Variants in DCLK2 observed in about 807,000 individuals in gnomAD.
The protein encoded by DCLK2 is serine/threonine-protein kinase DCLK2.
In DCLK2, 31 loss-of-function variants were observed where a neutral mutation model predicts 78.4. The ratio of observed to expected loss-of-function variants is 0.40; its 90% CI spans 0.30 to 0.53. The LOEUF (loss-of-function observed/expected upper bound fraction) is 0.53. Among genes scored for constraint, DCLK2 ranks in the 20% least tolerant of loss-of-function variants. DCLK2 has a pLI of 0.61. For missense variants in DCLK2, 872 were observed against 973.7 expected (o/e 0.90, Z 1.39); for synonymous variants, 407 against 374.9 (o/e 1.09, Z -0.99).
At chr4:150,131,562 T>C (rs12502340) in intron 2 of DCLK2, among the ~76,000 whole-genome samples, 14,464 of 152,134 alleles carry the variant, frequency 0.095, 888 homozygotes, top group Middle Eastern at 0.14. Flanking sequence ...CATGAAAATA[T>C]CTTGTAAGAA....
chr4:150,123,650 C>A lies in DCLK2; in HGVS notation c.756+20838C>A, dbSNP rs528541840. Among the ~76,000 whole-genome samples the A allele has an allele frequency of 3.3e-5, 5 of 152,278 alleles. No homozygotes were observed. In the East Asian group the frequency reaches 9.6e-4, roughly 29 times the overall value. ...ACAGGGTTGCCACGAAACTTCCATT[C>A]GTAAAAAGCTCAGTGTCTGTGAAGT... On this transcript the variant is annotated intron_variant, in intron 2 of 15. Coordinates refer to ENST00000296550, the MANE Select transcript of DCLK2 (RefSeq NM_001040260.4).
intron 2 of DCLK2, among the ~76,000 whole-genome samples, chr4:150,171,816 C>T (rs527377458): frequency 1.3e-5 from 2 of 152,176 alleles, no homozygotes; most frequent in Non-Finnish European, 2.9e-5. Context: ...TTAGTTCTTC[C>T]GTGATTATAC....
At chr4:150,110,763 A>G (rs1731629710) in intron 2 of DCLK2, among the ~76,000 whole-genome samples, 1 of 152,160 alleles carries the variant, frequency 6.6e-6, no homozygotes, top group Admixed American at 6.6e-5. Context: ...GAGTTACTAC[A>G]GGTAGAAGAA....
At chr4:150,225,472 C>G (rs890434646) in intron 8 of DCLK2, among the ~76,000 whole-genome samples, 1 of 152,174 alleles carries the variant, frequency 6.6e-6, no homozygotes, top group African/African-American at 2.4e-5. Context: ...TTTTTAGATT[C>G]CATTGTGGTA....
chr4:150,160,056 C>T (rs1735594179), intron 2 of DCLK2, among the ~76,000 whole-genome samples: 1 of 151,072 alleles, frequency 6.6e-6, no homozygotes, highest in Non-Finnish European at 1.5e-5. Context: ...AGTCTGTCGT[C>T]CAGGGTGGAG....
intron 2 of DCLK2, among the ~76,000 whole-genome samples, chr4:150,157,485 G>GTTTT (rs933996767): frequency 1.9e-4 from 25 of 130,580 alleles, no homozygotes; most frequent in African/African-American, 5.7e-4. Context: ...TGTAGAGATG[G>GTTTT]TTTTTTTGTT....
chr4:150,166,819 A>G (rs993168659), intron 2 of DCLK2, among the ~76,000 whole-genome samples: 2 of 152,060 alleles, frequency 1.3e-5, no homozygotes, highest in Non-Finnish European at 2.9e-5. Context: ...TCCTTTTCTG[A>G]TTAGGAGACA....
intron 12 of DCLK2, among the ~76,000 whole-genome samples, chr4:150,242,472 C>G (rs528098339): frequency 6.6e-5 from 10 of 152,366 alleles, no homozygotes; most frequent in African/African-American, 2.2e-4. Flanking sequence ...GAGTAACACA[C>G]TACCCCTGAA....
chr4:150,176,782 G>C (rs576950533), intron 2 of DCLK2, among the ~76,000 whole-genome samples: 5 of 152,318 alleles, frequency 3.3e-5, no homozygotes, highest in Admixed American at 2.0e-4. Context: ...TCTGACATGA[G>C]TAGCATTCTT....
At chr4:150,175,178 A>G in intron 2 of DCLK2, among the ~76,000 whole-genome samples, 1 of 129,180 alleles carries the variant, frequency 7.7e-6, no homozygotes, top group Admixed American at 8.7e-5. Flanking sequence ...ATATATTTAT[A>G]TATATTTATA....
intron 13 of DCLK2, 148 bp downstream of exon 13, chr4:150,247,847 G>C (rs999405873): frequency 4.6e-6 from 3 of 645,936 alleles, no homozygotes; most frequent in Non-Finnish European, 7.7e-6. Flanking sequence ...CCCATGGTAT[G>C]GTCTCTGAAG....
chr4:150,095,239 C>G (rs1360095814), intron 1 of DCLK2, among the ~76,000 whole-genome samples: 2 of 152,102 alleles, frequency 1.3e-5, no homozygotes, highest in African/African-American at 2.4e-5. Context: ...TCCCTGTGTC[C>G]CTTCCCATTT....
chr4:150,095,458 T>G (rs1190277607), intron 1 of DCLK2, among the ~76,000 whole-genome samples: 2 of 152,236 alleles, frequency 1.3e-5, no homozygotes, highest in Non-Finnish European at 2.9e-5. Context: ...TAGCTCTCAT[T>G]TGTTCATTTT....
At chr4:150,253,124 A>C (rs570289510) in intron 15 of DCLK2, 1 of 453,754 alleles carries the variant, frequency 2.2e-6, no homozygotes, top group African/African-American at 2.1e-5. Context: ...CATCCTCCTC[A>C]TCCTCCTCAC....
chr4:150,249,485 C>A, intron 14 of DCLK2, 83 bp from the exon 15 acceptor site: 4 of 1,136,088 alleles, frequency 3.5e-6, no homozygotes, highest in Non-Finnish European at 4.0e-6. Context: ...GTGGTTGAGG[C>A]GGGGAGGGGG....
At chr4:150,252,093 AG>A in intron 15 of DCLK2, among the ~76,000 whole-genome samples, 1 of 152,278 alleles carries the variant, frequency 6.6e-6, no homozygotes, top group South Asian at 2.1e-4. Flanking sequence ...TGAAAGCCTG[AG>A]AAAGTCAGAG....
At chr4:150,142,350 C>A (rs1734166182) in intron 2 of DCLK2, among the ~76,000 whole-genome samples, 1 of 152,156 alleles carries the variant, frequency 6.6e-6, no homozygotes, top group Admixed American at 6.5e-5. Flanking sequence ...TGATTGACCC[C>A]AGATCTTTCT....
At chr4:150,195,681 T>C (rs1464827937) in intron 3 of DCLK2, among the ~76,000 whole-genome samples, 1 of 150,710 alleles carries the variant, frequency 6.6e-6, no homozygotes, top group Non-Finnish European at 1.5e-5. Flanking sequence ...GGCATTGTAC[T>C]CAGTGCTTCA....
At chr4:150,212,144 A>C (rs1420184012) in intron 5 of DCLK2, among the ~76,000 whole-genome samples, 1 of 152,212 alleles carries the variant, frequency 6.6e-6, no homozygotes, top group Non-Finnish European at 1.5e-5. Context: ...TGCTGTGAGC[A>C]TTCTTGCCGG....
Sources: gnomAD v4.1 joint callset for allele counts (sites outside exome capture counted in the v4.1 genomes callset) on GRCh38, gnomAD v4.1.1 for gene constraint, MANE v1.5 for transcripts, NCBI Gene and HGNC (gene_info 2026-07-23, HGNC 2026-07-21) for gene names.